Variants in SOX6 observed in about 807,000 individuals in gnomAD.
SOX6 encodes SRY-box transcription factor 6.
In SOX6, 11 loss-of-function variants were observed where a neutral mutation model predicts 97.8. The ratio of observed to expected loss-of-function variants is 0.11; its 90% CI spans 0.07 to 0.19. The LOEUF is 0.19. SOX6 is among the 10% of genes least tolerant of loss of function. SOX6 has a pLI of 1.00. For synonymous variants in SOX6, 360 were observed against 371.4 expected, an observed-to-expected ratio of 0.97 and a Z score of 0.35; for missense variants, 810 against 1,039.5, an observed-to-expected ratio of 0.78 and a Z score of 3.04.
intron 2 of SOX6, among the ~76,000 whole-genome samples, chr11:16,727,654 T>A (rs975456852): frequency 6.6e-6 from 1 of 151,624 alleles, no homozygotes; most frequent in African/African-American, 2.4e-5. Flanking sequence ...GCCAGGCTGG[T>A]CTCGAATTCC....
At chr11:15,978,838 C>A (rs1477495871) in intron 15 of SOX6, among the ~76,000 whole-genome samples, 3 of 129,342 alleles carry the variant, frequency 2.3e-5, no homozygotes, top group African/African-American at 2.8e-5. Flanking sequence ...TATAACATAT[C>A]AGCATTATAT....
chr11:16,490,622 T>C (rs984716104), intron 4 of SOX6, among the ~76,000 whole-genome samples: 6 of 151,990 alleles, frequency 3.9e-5, no homozygotes, highest in African/African-American at 1.4e-4. Context: ...GTAACAGTAA[T>C]AGTAATGATT....
intron 9 of SOX6, among the ~76,000 whole-genome samples, chr11:16,075,295 G>A (rs1047850630): frequency 4.6e-5 from 7 of 152,168 alleles, no homozygotes; most frequent in African/African-American, 1.7e-4. Context: ...CACAATCATG[G>A]TGGACAGCAA....
At chr11:16,733,404 A>G (rs979580710) in intron 2 of SOX6, among the ~76,000 whole-genome samples, 2 of 152,142 alleles carry the variant, frequency 1.3e-5, no homozygotes, top group African/African-American at 4.8e-5. Flanking sequence ...GTCATAAAAA[A>G]GGATGAGTTC....
intron 3 of SOX6, among the ~76,000 whole-genome samples, chr11:16,628,271 AC>A (rs1848651691): frequency 6.6e-6 from 1 of 152,090 alleles, no homozygotes; most frequent in East Asian, 1.9e-4. Flanking sequence ...TGCTTTGGCT[AC>A]TTGGGCTCTT....
At chr11:16,470,355 A>T (rs1860119429) in intron 1 of SOX6, among the ~76,000 whole-genome samples, 1 of 152,090 alleles carries the variant, frequency 6.6e-6, no homozygotes, top group Non-Finnish European at 1.5e-5. Flanking sequence ...TCACTGAGGG[A>T]TCTTTGGTCT....
intron 6 of SOX6, among the ~76,000 whole-genome samples, chr11:16,181,116 A>C (rs1851335572): frequency 6.6e-6 from 1 of 151,660 alleles, no homozygotes. Context: ...ATTTCAGAAG[A>C]CAGCATTCTA....
intron 1 of SOX6, among the ~76,000 whole-genome samples, chr11:16,738,046 A>C (rs950353001): frequency 2.0e-5 from 3 of 152,060 alleles, no homozygotes; most frequent in Non-Finnish European, 2.9e-5. Context: ...TGAAAACTTA[A>C]CAGATTTCCC....
chr11:16,040,852 G>A lies in SOX6; in HGVS notation c.1623+5662C>T, dbSNP rs189023453. Among the ~76,000 whole-genome samples, 239 of 152,098 alleles carry A rather than the reference G, an allele frequency of 1.6e-3. 1 individual carries two copies. The highest frequency in any genetic ancestry group is 5.4e-3 in the African/African-American group (224 of 41,524). ...CCTGAATTTGGAAAGGTTTAAGAGC[G>A]AATATATATGTAATAATATATTTGG... On this transcript the variant is annotated intron_variant, in intron 12 of 15. Transcript: ENST00000683767.
chr11:16,722,194 T>C (rs373935396), intron 2 of SOX6, among the ~76,000 whole-genome samples: 13 of 152,168 alleles, frequency 8.5e-5, no homozygotes, highest in East Asian at 7.7e-4. Context: ...TAAGAAATTC[T>C]ACACAGCGAA....
chr11:16,113,020 A>T (rs1849267072), intron 6 of SOX6, among the ~76,000 whole-genome samples: 1 of 152,136 alleles, frequency 6.6e-6, no homozygotes, highest in Non-Finnish European at 1.5e-5. Flanking sequence ...AATTCTTCCA[A>T]CCCCAAACCC....
chr11:16,494,332 C>T (rs1396421431), intron 4 of SOX6, among the ~76,000 whole-genome samples: 1 of 151,986 alleles, frequency 6.6e-6, no homozygotes, highest in Non-Finnish European at 1.5e-5. Context: ...GCTGAGATCC[C>T]GCCATTGCAC....
At chr11:16,361,630 G>T (rs1419552693) in intron 1 of SOX6, among the ~76,000 whole-genome samples, 1 of 152,062 alleles carries the variant, frequency 6.6e-6, no homozygotes, top group Non-Finnish European at 1.5e-5. Context: ...GTTAAGCAAA[G>T]ACCCTGAAAC....
At chr11:16,140,980 G>T (rs144769644) in intron 6 of SOX6, among the ~76,000 whole-genome samples, 1 of 152,224 alleles carries the variant, frequency 6.6e-6, no homozygotes, top group African/African-American at 2.4e-5. Context: ...TGGGTGTCAT[G>T]GCAGGTGCCT....
At chr11:16,723,613 C>A (rs1481593014) in intron 2 of SOX6, among the ~76,000 whole-genome samples, 2 of 152,002 alleles carry the variant, frequency 1.3e-5, no homozygotes, top group African/African-American at 4.8e-5. Context: ...AGTTGGAGAC[C>A]AGCCTGGCCA....
rs201183782 is a variant in SOX6 at position 16,623,358 on chromosome 11, TGTC to T, written n.430-11101_430-11099del. Among the ~76,000 whole-genome samples, 1,291 of 152,310 alleles carry T rather than the reference TGTC, an allele frequency of 8.5e-3. 28 individuals are homozygous for T. The highest frequency in any genetic ancestry group is 0.04 in the Admixed American group (608 of 15,300). The stretch of plus-strand genomic sequence containing the variant: ...TTAATATGTTTGTTGGCCATTTGTA[TGTC>T]TTCTTTGGAGAATTGTCTATTCATG... On this transcript the variant is annotated intron_variant and non_coding_transcript_variant, in intron 3 of 5. Transcript: ENST00000524520.
chr11:16,216,491 C>T (rs953116917), intron 4 of SOX6, among the ~76,000 whole-genome samples: 2 of 152,038 alleles, frequency 1.3e-5, no homozygotes, highest in Non-Finnish European at 2.9e-5. Flanking sequence ...AGAATCAGTT[C>T]ATCAGCAGAG....
At chr11:16,487,414 G>A (rs1368997372) in intron 4 of SOX6, among the ~76,000 whole-genome samples, 3 of 152,084 alleles carry the variant, frequency 2.0e-5, no homozygotes, top group African/African-American at 7.2e-5. Flanking sequence ...AGACCTCCAG[G>A]AATGACCATT....
intron 4 of SOX6, among the ~76,000 whole-genome samples, chr11:16,504,971 AG>A (rs1343815100): frequency 1.3e-5 from 2 of 152,202 alleles, no homozygotes; most frequent in African/African-American, 4.8e-5. Flanking sequence ...TTTATTACCC[AG>A]TTTCAGGTAT....
Sources: allele counts gnomAD v4.1 joint callset (sites outside exome capture counted in the v4.1 genomes callset), GRCh38; gene constraint gnomAD v4.1.1; transcripts MANE v1.5; gene names NCBI Gene and HGNC (gene_info 2026-07-23, HGNC 2026-07-21).